WWTR1: variants seen among roughly 807,000 people sequenced by gnomAD.
The protein encoded by WWTR1 is WW domain containing transcription regulator 1.
In WWTR1, 13 loss-of-function variants were observed where a neutral mutation model predicts 40.1. That is an observed-to-expected ratio of 0.32 (90% confidence interval 0.21 to 0.52). The LOEUF (loss-of-function observed/expected upper bound fraction) is 0.52, where lower values mean the gene tolerates loss of function less well. WWTR1 is among the 20% of genes least tolerant of loss of function. WWTR1 has a pLI of 0.97. For synonymous variants in WWTR1, 230 were observed against 210.1 expected, an observed-to-expected ratio of 1.09 and a Z score of -0.82; for missense variants, 436 against 523.1, an observed-to-expected ratio of 0.83 and a Z score of 1.63.
At chr3:149,528,779 A>G (rs1735444853) in intron 4 of WWTR1, among the ~76,000 whole-genome samples, 2 of 152,196 alleles carry the variant, frequency 1.3e-5, no homozygotes. Context: ...AAAAAAAACA[A>G]AAAAACAAAA....
At chr3:149,574,230 G>C (rs1737777869) in intron 2 of WWTR1, among the ~76,000 whole-genome samples, 1 of 151,818 alleles carries the variant, frequency 6.6e-6, no homozygotes, top group South Asian at 2.1e-4. Context: ...GTAGAGGTGG[G>C]TGTCTCCTTA....
At chr3:149,541,021 A>T (rs1560051207) in intron 4 of WWTR1, 1 of 456,506 alleles carries the variant, frequency 2.2e-6, no homozygotes, top group South Asian at 1.6e-5. Flanking sequence ...TTACCCTAAC[A>T]TGCTCGGTCC....
chr3:149,688,232 C>T (rs973836073), intron 1 of WWTR1, among the ~76,000 whole-genome samples: 3 of 152,082 alleles, frequency 2.0e-5, no homozygotes, highest in African/African-American at 7.2e-5. Flanking sequence ...AAGACGCAAG[C>T]CTGGCAGGAT....
At chr3:149,555,105 C>T (rs1736763874) in intron 3 of WWTR1, among the ~76,000 whole-genome samples, 1 of 152,212 alleles carries the variant, frequency 6.6e-6, no homozygotes, top group African/African-American at 2.4e-5. Context: ...CATTTTAAAA[C>T]TACTCCAGGT....
chr3:149,560,210 C>G (rs1035417112), intron 3 of WWTR1, among the ~76,000 whole-genome samples: 1 of 152,168 alleles, frequency 6.6e-6, no homozygotes, highest in African/African-American at 2.4e-5. Context: ...ATGCCTCAGG[C>G]GAAAGCCATC....
At chr3:149,541,776 C>T (rs1254159389) in intron 4 of WWTR1, among the ~76,000 whole-genome samples, 1 of 152,144 alleles carries the variant, frequency 6.6e-6, no homozygotes, top group Non-Finnish European at 1.5e-5. Flanking sequence ...GAGATCGCCA[C>T]ACCATAGATC....
At chr3:149,626,514 A>C (rs2108097698) in intron 2 of WWTR1, among the ~76,000 whole-genome samples, 1 of 152,246 alleles carries the variant, frequency 6.6e-6, no homozygotes, top group South Asian at 2.1e-4. Flanking sequence ...AGTATGTAAA[A>C]AAAAAAAAAA....
intron 1 of WWTR1, among the ~76,000 whole-genome samples, chr3:149,695,786 A>C (rs1714966540): frequency 1.4e-5 from 2 of 139,992 alleles, no homozygotes. Context: ...AAGAAAAGAA[A>C]AGAAAAAAAT....
chr3:149,652,546 C>T (rs1033092603), intron 2 of WWTR1, among the ~76,000 whole-genome samples: 1 of 133,102 alleles, frequency 7.5e-6, no homozygotes, highest in African/African-American at 2.8e-5. Context: ...TCACTTGAGC[C>T]CAGGAATTTG....
At chr3:149,683,522 C>T (rs1278468598) in intron 1 of WWTR1, among the ~76,000 whole-genome samples, 2 of 151,946 alleles carry the variant, frequency 1.3e-5, no homozygotes, top group South Asian at 2.1e-4. Flanking sequence ...GGTGAAACCC[C>T]GTCTCTACTA....
intron 2 of WWTR1, among the ~76,000 whole-genome samples, chr3:149,617,557 T>C (rs568532412): frequency 3.9e-5 from 6 of 152,326 alleles, no homozygotes; most frequent in Admixed American, 3.3e-4. Flanking sequence ...CCCAGCACTT[T>C]GGGATGCCAA....
intron 6 of WWTR1, among the ~76,000 whole-genome samples, chr3:149,525,238 C>T (rs1372355506): frequency 6.6e-6 from 1 of 152,184 alleles, no homozygotes; most frequent in Non-Finnish European, 1.5e-5. Flanking sequence ...CAAATACCCA[C>T]TGCCAATTGC....
intron 2 of WWTR1, among the ~76,000 whole-genome samples, chr3:149,638,342 C>CA (rs1335294479): frequency 2.6e-5 from 4 of 151,738 alleles, no homozygotes; most frequent in African/African-American, 7.2e-5. Context: ...TAACATATTC[C>CA]AAAAAAAATC....
At chr3:149,552,878 C>A (rs532382575) in intron 3 of WWTR1, among the ~76,000 whole-genome samples, 1 of 152,170 alleles carries the variant, frequency 6.6e-6, no homozygotes, top group African/African-American at 2.4e-5. Context: ...GAAATTAGCA[C>A]TTAAAGTCAG....
At chr3:149,543,159 T>C (rs1736199699) in intron 3 of WWTR1, among the ~76,000 whole-genome samples, 1 of 152,252 alleles carries the variant, frequency 6.6e-6, no homozygotes, top group South Asian at 2.1e-4. Context: ...AGGGAGAAAT[T>C]AGTGAGAAAG....
rs3044118 is a variant in WWTR1 at position 149,557,061 on chromosome 3, C to CTT, written c.569-14526_569-14525dup. On this transcript the variant is annotated intron_variant, in intron 3 of 6. Transcript: ENST00000360632. ...TCCTAGTGTTCCCTACTGGAATCTTCTTTTTTTTTTTTTTTTTTTTTTTTT... is the reference window on the plus strand; with the variant it reads ...TCCTAGTGTTCCCTACTGGAATCTTCTTTTTTTTTTTTTTTTTTTTTTTTTTT... Among the ~76,000 whole-genome samples, 107 of 64,368 alleles carry CTT rather than the reference C, an allele frequency of 1.7e-3. 17 individuals carry two copies. Among genetic ancestry groups the CTT allele is most frequent in the East Asian group, 7.3e-3 (10 of 1,368 alleles). 42.2% of individuals were successfully genotyped at this position (64,368 alleles called of 152,430 possible).
At chr3:149,628,707 C>G (rs1711497803) in intron 2 of WWTR1, among the ~76,000 whole-genome samples, 1 of 152,044 alleles carries the variant, frequency 6.6e-6, no homozygotes, top group South Asian at 2.1e-4. Flanking sequence ...GTACAAGTCT[C>G]TCAAGTCTCA....
At position 149,519,452 on chromosome 3, in the gene WWTR1, CTA is replaced by C. The variant is rs1734939965; in HGVS notation, c.*1351_*1352del. ...TAGAATTATTTTAAACACTTGAAAT[CTA>C]GGAAGCAAACCTGACAAGGCTTCAG... On this transcript the variant is annotated 3_prime_UTR_variant, in exon 7 of 7. Coordinates refer to ENST00000360632, the MANE Select transcript of WWTR1 (RefSeq NM_015472.6). The C allele has an allele frequency of 2.0e-5, 3 of 152,186 alleles. No homozygotes were observed. The highest frequency in any genetic ancestry group is 2.0e-4 in the Admixed American group (3 of 15,280). The allele number at this position is 152,186 out of a possible 1,614,324, so 9.4% of individuals were successfully genotyped here.
intron 1 of WWTR1, among the ~76,000 whole-genome samples, chr3:149,677,923 C>T (rs1285935114): frequency 6.6e-6 from 1 of 151,610 alleles, no homozygotes; most frequent in Non-Finnish European, 1.5e-5. Flanking sequence ...CCACCACACC[C>T]AGCTAATTTT....
Sources: gnomAD v4.1 joint callset for allele counts (sites outside exome capture counted in the v4.1 genomes callset) on GRCh38, gnomAD v4.1.1 for gene constraint, MANE v1.5 for transcripts, NCBI Gene and HGNC (gene_info 2026-07-23, HGNC 2026-07-21) for gene names.